Variants in RGL1 observed in about 807,000 individuals in gnomAD.
RGL1 encodes the protein ral guanine nucleotide dissociation stimulator-like 1.
In RGL1, 24 loss-of-function variants were observed where a neutral mutation model predicts 95.2. That is an observed-to-expected ratio of 0.25 (90% confidence interval 0.18 to 0.35). The LOEUF (loss-of-function observed/expected upper bound fraction) is 0.35, where lower values mean the gene tolerates loss of function less well. Among genes scored for constraint, RGL1 ranks in the 10% least tolerant of loss-of-function variants. The pLI, the probability that RGL1 is intolerant of heterozygous loss-of-function variation, is 1.00. For synonymous variants in RGL1, 329 were observed against 344.9 expected, an observed-to-expected ratio of 0.95 and a Z score of 0.51; for missense variants, 715 against 936.3, an observed-to-expected ratio of 0.76 and a Z score of 3.08.
At chr1:183,900,382 C>A in intron 11 of RGL1, 146 bp downstream of exon 11, 1 of 572,650 alleles carries the variant, frequency 1.7e-6, no homozygotes, top group Non-Finnish European at 3.2e-6. Flanking sequence ...AGAATAACAC[C>A]AAAGACTAAC....
At chr1:183,843,206 A>C (rs1426789702) in intron 2 of RGL1, among the ~76,000 whole-genome samples, 1 of 152,230 alleles carries the variant, frequency 6.6e-6, no homozygotes, top group Non-Finnish European at 1.5e-5. Flanking sequence ...GCACAAGAGC[A>C]ATTCTATACT....
At chr1:183,856,218 C>G (rs1016266113) in intron 3 of RGL1, among the ~76,000 whole-genome samples, 2 of 151,938 alleles carry the variant, frequency 1.3e-5, no homozygotes, top group East Asian at 3.9e-4. Context: ...TAGATTTTCT[C>G]TAGGTCTGGG....
At chr1:183,673,766 G>T (rs1652637778) in intron 1 of RGL1, among the ~76,000 whole-genome samples, 1 of 152,192 alleles carries the variant, frequency 6.6e-6, no homozygotes, top group Non-Finnish European at 1.5e-5. Flanking sequence ...TTGTGGCCAT[G>T]CCCTACCCTT....
At chr1:183,698,810 G>C (rs1224406970) in intron 1 of RGL1, among the ~76,000 whole-genome samples, 1 of 152,096 alleles carries the variant, frequency 6.6e-6, no homozygotes, top group East Asian at 1.9e-4. Context: ...ATTTTCAGTT[G>C]CTTTCCTATG....
intron 2 of RGL1, among the ~76,000 whole-genome samples, chr1:183,834,925 C>T (rs191716401): frequency 1.4e-3 from 219 of 151,756 alleles, no homozygotes; most frequent in Admixed American, 2.4e-3. Context: ...TCAAGCGATC[C>T]TCCCACTTCA....
chr1:183,877,494 A>C (rs1015042115), intron 4 of RGL1, among the ~76,000 whole-genome samples: 2 of 152,202 alleles, frequency 1.3e-5, no homozygotes, highest in Non-Finnish European at 1.5e-5. Context: ...GCACACACAA[A>C]GCTACTGTGA....
rs1269325378 is a variant in RGL1 at position 183,921,834 on chromosome 1, A to G, written c.2005-388A>G. Among the ~76,000 whole-genome samples, 6 of 152,358 alleles carry G rather than the reference A, an allele frequency of 3.9e-5. No homozygotes were observed. The South Asian group carries it at 1.2e-3, about 32-fold the overall frequency. ...CATTTTTATCCCGTGGGTTGTAACCAGTGCCATAGAAGCAGTTCAACATGG... is the reference window on the plus strand; with the variant it reads ...CATTTTTATCCCGTGGGTTGTAACCGGTGCCATAGAAGCAGTTCAACATGG... On this transcript the variant is annotated intron_variant, in intron 16 of 17. Coordinates refer to ENST00000360851, the MANE Select transcript of RGL1 (RefSeq NM_001297671.3).
intron 2 of RGL1, among the ~76,000 whole-genome samples, chr1:183,788,033 A>G (rs1315851322): frequency 6.6e-6 from 1 of 152,160 alleles, no homozygotes. Flanking sequence ...ATTCCTTTAT[A>G]GCAACACAAA....
At chr1:183,862,186 A>T (rs903295965) in intron 3 of RGL1, among the ~76,000 whole-genome samples, 5 of 151,868 alleles carry the variant, frequency 3.3e-5, no homozygotes, top group African/African-American at 4.8e-5. Context: ...TACAAAAAAT[A>T]AAAAAAATTA....
chr1:183,711,204 C>A (rs920585837), intron 1 of RGL1, among the ~76,000 whole-genome samples: 1 of 152,176 alleles, frequency 6.6e-6, no homozygotes, highest in African/African-American at 2.4e-5. Context: ...CAAAGGGTAG[C>A]CTGCTGCACA....
upstream of RGL1, among the ~76,000 whole-genome samples, chr1:183,804,298 G>C (rs1442560140): frequency 6.6e-6 from 1 of 152,072 alleles, no homozygotes; most frequent in Non-Finnish European, 1.5e-5. Context: ...ATTCTGGCAG[G>C]TGTCAAGTTT....
intron 1 of RGL1, among the ~76,000 whole-genome samples, chr1:183,702,994 C>A (rs183311236): frequency 1.1e-3 from 170 of 152,266 alleles, no homozygotes; most frequent in African/African-American, 4.0e-3. Flanking sequence ...GACAGCAGTA[C>A]CTCTCTCGGT....
chr1:183,804,927 A>G (rs1251509192), upstream of RGL1, among the ~76,000 whole-genome samples: 1 of 152,228 alleles, frequency 6.6e-6, no homozygotes, highest in Non-Finnish European at 1.5e-5. Flanking sequence ...CCGTCAGGAA[A>G]ACCTGATAAA....
Position 183,690,058 on chromosome 1 carries a change from G to C in RGL1, c.-32-52068G>C, listed in dbSNP as rs116364809. 8.9e-3 allele frequency among the ~76,000 whole-genome samples: 1,353 copies of C among 152,304 alleles called. 20 individuals carry two copies. The highest frequency in any genetic ancestry group is 0.031 in the African/African-American group (1,273 of 41,564). On this transcript the variant is annotated intron_variant, in intron 1 of 18. Transcript: ENST00000304685. ...ACATGAGTTGAAGGAGCTTGGAAAG[G>C]CTTCATGAGGAGCCACAAGTTAATT... is the stretch of plus-strand genomic sequence containing the variant.
intron 17 of RGL1, among the ~76,000 whole-genome samples, chr1:183,924,788 A>G (rs1669517141): frequency 7.8e-6 from 1 of 127,658 alleles, no homozygotes; most frequent in South Asian, 2.5e-4. Context: ...TACTAAAAAT[A>G]CAAAAAAATA....
chr1:183,706,745 G>C (rs1490075734), intron 1 of RGL1, among the ~76,000 whole-genome samples: 1 of 152,238 alleles, frequency 6.6e-6, no homozygotes, highest in Non-Finnish European at 1.5e-5. Context: ...TGATGGCAGA[G>C]GCAAGCATTT....
At chr1:183,838,954 C>T (rs1192100327) in intron 2 of RGL1, among the ~76,000 whole-genome samples, 3 of 152,136 alleles carry the variant, frequency 2.0e-5, no homozygotes, top group Non-Finnish European at 2.9e-5. Flanking sequence ...TCCAGCATAC[C>T]GCTGTCTAAG....
rs1006488837 is a variant in RGL1, at chr1:183,927,711, C to G, written c.*1419C>G. The G allele has an allele frequency of 6.6e-6, 1 of 152,600 alleles. No individual in the cohort carries two copies. The highest frequency in any genetic ancestry group is 2.4e-5 in the African/African-American group (1 of 41,428). The allele number at this position is 152,600 out of a possible 1,614,324, so 9.5% of individuals were successfully genotyped here. A position where few individuals can be genotyped will look rare whatever the true frequency, so the allele number is the denominator to read the frequency against. On this transcript the variant is annotated 3_prime_UTR_variant, in exon 18 of 18. Transcript: ENST00000360851. Reference sequence around the variant, plus strand: ...TATTGACATGTGTAAGAAGCACTTTCAGAATGTTGTCCTTTTTAAGAAATG... The same window carrying G: ...TATTGACATGTGTAAGAAGCACTTTGAGAATGTTGTCCTTTTTAAGAAATG...
intron 1 of RGL1, among the ~76,000 whole-genome samples, chr1:183,671,920 AC>A (rs1158277643): frequency 3.4e-5 from 5 of 148,190 alleles, no homozygotes; most frequent in African/African-American, 1.2e-4. Flanking sequence ...AACATTCCTT[AC>A]CTTTGATTTT....
Sources: allele counts gnomAD v4.1 joint callset (sites outside exome capture counted in the v4.1 genomes callset), GRCh38; gene constraint gnomAD v4.1.1; transcripts MANE v1.5; gene names NCBI Gene and HGNC (gene_info 2026-07-23, HGNC 2026-07-21).